Variants in SCHIP1 observed in about 807,000 individuals in gnomAD.
The protein encoded by SCHIP1 is schwannomin interacting protein 1, also known as schwannomin-interacting protein 1.
In SCHIP1, 8 loss-of-function variants were observed where a neutral mutation model predicts 29.7. That is an observed-to-expected ratio of 0.27 (90% CI 0.16 to 0.49). SCHIP1 has a LOEUF of 0.49. Ranked by LOEUF, SCHIP1 falls within the 20% of genes least tolerant of loss-of-function variation. The pLI, the probability that SCHIP1 is intolerant of heterozygous loss-of-function variation, is 0.99. For missense variants in SCHIP1, 193 were observed against 294.6 expected, an observed-to-expected ratio of 0.66 and a Z score of 2.52; for synonymous variants, 76 against 94.9, an observed-to-expected ratio of 0.80 and a Z score of 1.16.
the SCHIP1 span, among the ~76,000 whole-genome samples, chr3:159,663,657 T>C: frequency 6.6e-6 from 1 of 152,182 alleles, no homozygotes; most frequent in Non-Finnish European, 1.5e-5. Context: ...ACATATCACT[T>C]AGAAAAATGA....
chr3:159,394,579 G>T, the SCHIP1 span, among the ~76,000 whole-genome samples: 1 of 152,076 alleles, frequency 6.6e-6, no homozygotes, highest in East Asian at 1.9e-4. Flanking sequence ...TAATCATGTG[G>T]TTTTTGTCTT....
At chr3:159,444,141 T>A in the SCHIP1 span, among the ~76,000 whole-genome samples, 15 of 152,004 alleles carry the variant, frequency 9.9e-5, no homozygotes, top group African/African-American at 3.6e-4. Context: ...GAAGTGTACA[T>A]CACTGAGCAG....
chr3:159,647,641 C>T, the SCHIP1 span, among the ~76,000 whole-genome samples: 1 of 152,116 alleles, frequency 6.6e-6, no homozygotes, highest in Non-Finnish European at 1.5e-5. Context: ...CCTACAAAGC[C>T]ATTATCGCTA....
chr3:159,896,216 G>A (rs1718049556), intron 6 of SCHIP1, among the ~76,000 whole-genome samples: 1 of 152,176 alleles, frequency 6.6e-6, no homozygotes, highest in African/African-American at 2.4e-5. Flanking sequence ...GTCTGCATGG[G>A]TCTTTAGATA....
chr3:159,701,139 G>A, the SCHIP1 span, among the ~76,000 whole-genome samples: 1,778 of 152,248 alleles, frequency 0.012, 30 homozygotes, highest in African/African-American at 0.041. Flanking sequence ...AGACTTTCGA[G>A]AATGATCATC....
At chr3:159,327,828 T>A in the SCHIP1 span, among the ~76,000 whole-genome samples, 6 of 152,112 alleles carry the variant, frequency 3.9e-5, no homozygotes, top group Non-Finnish European at 7.4e-5. Flanking sequence ...AAATTAGTGG[T>A]CAGAAAGGGT....
the SCHIP1 span, among the ~76,000 whole-genome samples, chr3:159,535,662 A>G: frequency 1.3e-5 from 2 of 152,232 alleles, no homozygotes; most frequent in Non-Finnish European, 2.9e-5. Context: ...GTAGACTCTT[A>G]GGAAAATTTA....
At chr3:159,340,863 A>C in the SCHIP1 span, among the ~76,000 whole-genome samples, 1 of 152,154 alleles carries the variant, frequency 6.6e-6, no homozygotes, top group African/African-American at 2.4e-5. Context: ...AAAGTAAAAC[A>C]TTCCTTTTTC....
At chr3:159,733,034 T>C in the SCHIP1 span, among the ~76,000 whole-genome samples, 1 of 152,092 alleles carries the variant, frequency 6.6e-6, no homozygotes, top group East Asian at 1.9e-4. Context: ...AAGACTATGA[T>C]TGTGGAAATG....
chr3:159,621,627 G>A, the SCHIP1 span, among the ~76,000 whole-genome samples: 4 of 151,870 alleles, frequency 2.6e-5, no homozygotes, highest in African/African-American at 9.7e-5. Context: ...CAGAATGGGT[G>A]TGCATGTGTG....
chr3:159,624,098 TA>T, the SCHIP1 span, among the ~76,000 whole-genome samples: 2 of 152,064 alleles, frequency 1.3e-5, no homozygotes, highest in African/African-American at 2.4e-5. Flanking sequence ...AGTGCAAAAT[TA>T]AAAAAATATA....
At chr3:159,461,574 C>CTT in the SCHIP1 span, among the ~76,000 whole-genome samples, 2 of 148,386 alleles carry the variant, frequency 1.3e-5, no homozygotes, top group Non-Finnish European at 3.0e-5. Context: ...ATACCAGACT[C>CTT]TTTTTTTTTT....
At chr3:159,829,377 A>T in the SCHIP1 span, among the ~76,000 whole-genome samples, 1 of 152,170 alleles carries the variant, frequency 6.6e-6, no homozygotes, top group African/African-American at 2.4e-5. Flanking sequence ...TAAACATCTC[A>T]TCCCCAAGCC....
chr3:159,805,039 A>G, the SCHIP1 span, among the ~76,000 whole-genome samples: 2 of 152,180 alleles, frequency 1.3e-5, no homozygotes, highest in African/African-American at 2.4e-5. Flanking sequence ...CATTGGCCCA[A>G]ATAGGGTGTG....
chr3:159,897,313 A>G (rs779247308), exon 7 of SCHIP1: 8 of 152,648 alleles, frequency 5.2e-5, no homozygotes, highest in Non-Finnish European at 1.0e-4. Flanking sequence ...GGTTCCTTGA[A>G]AGTTTTATGT....
At chr3:159,459,376 G>C in the SCHIP1 span, among the ~76,000 whole-genome samples, 1 of 152,076 alleles carries the variant, frequency 6.6e-6, no homozygotes, top group Admixed American at 6.6e-5. Context: ...GCTTTTCCAG[G>C]CTTCTTGCTC....
chr3:159,759,702 G>C, the SCHIP1 span, among the ~76,000 whole-genome samples: 447 of 152,242 alleles, frequency 2.9e-3, 2 homozygotes, highest in African/African-American at 0.01. Context: ...TTAAATAGGA[G>C]AGCATCTGTG....
At chr3:159,581,117 A>C in the SCHIP1 span, among the ~76,000 whole-genome samples, 1 of 152,168 alleles carries the variant, frequency 6.6e-6, no homozygotes, top group Non-Finnish European at 1.5e-5. Flanking sequence ...AAATTTGGGG[A>C]AGACGACTTC....
chr3:159,392,711 A>C, the SCHIP1 span, among the ~76,000 whole-genome samples: 1 of 151,810 alleles, frequency 6.6e-6, no homozygotes, highest in Admixed American at 6.6e-5. Context: ...CCAGTCTATC[A>C]TTGTTGGACA....
Sources: gnomAD v4.1 joint callset for allele counts (sites outside exome capture counted in the v4.1 genomes callset) on GRCh38, gnomAD v4.1.1 for gene constraint, MANE v1.5 for transcripts, NCBI Gene and HGNC (gene_info 2026-07-23, HGNC 2026-07-21) for gene names.